The following PTPN2 variants were observed in gnomAD, a reference collection of about 807,000 sequenced individuals.
The protein encoded by PTPN2 is tyrosine-protein phosphatase non-receptor type 2.
Under a neutral mutation model 57.3 loss-of-function variants are expected in PTPN2, and 19 were observed. The ratio of observed to expected loss-of-function variants is 0.33; its 90% CI spans 0.23 to 0.49. The LOEUF is 0.49. Among genes scored for constraint, PTPN2 ranks in the 20% least tolerant of loss-of-function variants. The pLI is 0.99. For missense variants in PTPN2, 358 were observed against 501.1 expected (o/e 0.71, Z 2.73); for synonymous variants, 153 against 164.9 (o/e 0.93, Z 0.55).
chr18:12,799,820 G>A (rs538682825), intron 8 of PTPN2, among the ~76,000 whole-genome samples: 4 of 152,106 alleles, frequency 2.6e-5, no homozygotes, highest in Admixed American at 1.3e-4. Context: ...CAGCAGAGAC[G>A]GGGTTTCACC....
At chr18:12,838,686 G>A (rs1201450400) in intron 2 of PTPN2, among the ~76,000 whole-genome samples, 2 of 152,192 alleles carry the variant, frequency 1.3e-5, no homozygotes, top group East Asian at 3.9e-4. Context: ...AATTTTCTCA[G>A]GAAAATTTTT....
chr18:12,800,559 T>C (rs1168909933), intron 8 of PTPN2, among the ~76,000 whole-genome samples: 7 of 152,142 alleles, frequency 4.6e-5, no homozygotes, highest in Non-Finnish European at 5.9e-5. Flanking sequence ...CATAATAAAC[T>C]CTTCCACTAT....
intron 1 of PTPN2, chr18:12,883,764 C>G (rs80079774): frequency 1.1e-5 from 3 of 268,114 alleles, no homozygotes; most frequent in Admixed American, 1.1e-4. Context: ...ACCCGGGCCG[C>G]GCAACGCTGG....
intron 4 of PTPN2, among the ~76,000 whole-genome samples, chr18:12,830,474 C>T (rs2042633573): frequency 6.6e-6 from 1 of 152,030 alleles, no homozygotes; most frequent in Admixed American, 6.6e-5. Context: ...CAGGAAAAAC[C>T]CCTGTAAATG....
rs1568169016 is a variant in PTPN2, at chr18:12,870,365, G to GTGTATATATATGTA, written c.70-11112_70-11111insTACATATATATACA. Among the ~76,000 whole-genome samples, 18 of 38,522 alleles carry GTGTATATATATGTA rather than the reference G, an allele frequency of 4.7e-4. 5 individuals carry two copies. The highest frequency in any genetic ancestry group is 2.8e-3 in the African/African-American group (17 of 5,976). The allele number at this position is 38,522 out of a possible 152,430, so 25.3% of individuals were successfully genotyped here. A position where few individuals can be genotyped will look rare whatever the true frequency, so the allele number is the denominator to read the frequency against. On this transcript the variant is annotated intron_variant, in intron 1 of 8. Coordinates refer to ENST00000309660, the MANE Select transcript of PTPN2 (RefSeq NM_002828.4). ...TACATATATATGTGTATATATATGT[G>GTGTATATATATGTA]TATATATACATATATATACGTATAT...
chr18:12,807,324 G>C (rs1367253861), intron 7 of PTPN2, among the ~76,000 whole-genome samples: 1 of 151,548 alleles, frequency 6.6e-6, no homozygotes, highest in Admixed American at 6.6e-5. Context: ...TCTTGTACAC[G>C]GCTGGTGGAA....
chr18:12,866,998 G>A, intron 1 of PTPN2, among the ~76,000 whole-genome samples: 1 of 148,728 alleles, frequency 6.7e-6, no homozygotes, highest in South Asian at 2.1e-4. Context: ...GACAGAGCAA[G>A]ATTGTCTCCA....
chr18:12,873,998 G>A (rs2044373317), intron 1 of PTPN2, among the ~76,000 whole-genome samples: 1 of 151,868 alleles, frequency 6.6e-6, no homozygotes, highest in South Asian at 2.1e-4. Context: ...GAAGGGAGGA[G>A]ACCCTCCACC....
At position 12,793,633 on chromosome 18, in the gene PTPN2, T is replaced by G; in HGVS notation, c.*645A>C. Reference sequence around the variant, plus strand: ...GAAATTGCTTATTCCAACTTCTAACTGCTCATATCAAACTTCTCTTTAGAA... The same window carrying G: ...GAAATTGCTTATTCCAACTTCTAACGGCTCATATCAAACTTCTCTTTAGAA... On this transcript the variant is annotated 3_prime_UTR_variant, in exon 9 of 9. Transcript: ENST00000309660. 1.0e-6 allele frequency: 1 copy of G among 981,906 alleles called. No homozygotes were observed. The highest frequency in any genetic ancestry group is 5.3e-4 in the Middle Eastern group (1 of 1,904). The allele number at this position is 981,906 out of a possible 1,614,324, so 60.8% of individuals were successfully genotyped here.
chr18:12,833,957 GAC>G (rs2042759651), intron 3 of PTPN2, among the ~76,000 whole-genome samples: 1 of 152,192 alleles, frequency 6.6e-6, no homozygotes, highest in African/African-American at 2.4e-5. Context: ...GAAAAAGCCA[GAC>G]ACAGGCTTCT....
At chr18:12,831,776 CAG>C (rs1253487796) in intron 3 of PTPN2, among the ~76,000 whole-genome samples, 1 of 152,052 alleles carries the variant, frequency 6.6e-6, no homozygotes, top group African/African-American at 2.4e-5. Context: ...GAGTATTGGG[CAG>C]AGTTAAAAAG....
intron 2 of PTPN2, among the ~76,000 whole-genome samples, chr18:12,849,279 C>T (rs2043311497): frequency 6.6e-6 from 1 of 152,186 alleles, no homozygotes; most frequent in Non-Finnish European, 1.5e-5. Context: ...ATAATCTAGG[C>T]CGGGTGCAGA....
intron 5 of PTPN2, among the ~76,000 whole-genome samples, chr18:12,822,661 T>A (rs1399033318): frequency 2.0e-5 from 3 of 152,294 alleles, no homozygotes; most frequent in Admixed American, 1.3e-4. Context: ...GCAAACTGGA[T>A]CTCTGCACCC....
intron 2 of PTPN2, among the ~76,000 whole-genome samples, chr18:12,837,473 G>A (rs2042906250): frequency 6.6e-6 from 1 of 152,150 alleles, no homozygotes; most frequent in Non-Finnish European, 1.5e-5. Context: ...TCTGTTAACA[G>A]TTTAGAGATA....
intron 1 of PTPN2, among the ~76,000 whole-genome samples, chr18:12,877,701 A>G (rs866649739): frequency 6.6e-6 from 1 of 152,246 alleles, no homozygotes; most frequent in Non-Finnish European, 1.5e-5. Context: ...CAATATTTGA[A>G]CTACAAATTT....
intron 2 of PTPN2, among the ~76,000 whole-genome samples, chr18:12,844,185 A>T (rs889441929): frequency 5.9e-5 from 9 of 152,332 alleles, no homozygotes; most frequent in Admixed American, 1.3e-4. Context: ...TTACCCACTG[A>T]AGGACATGTG....
intron 4 of PTPN2, among the ~76,000 whole-genome samples, chr18:12,829,258 G>A (rs1267553182): frequency 3.3e-5 from 5 of 151,736 alleles, no homozygotes; most frequent in Non-Finnish European, 7.4e-5. Flanking sequence ...GCTCACGCCT[G>A]TAATCCCAGC....
intron 1 of PTPN2, among the ~76,000 whole-genome samples, chr18:12,882,658 T>C (rs764098091): frequency 6.6e-5 from 10 of 152,242 alleles, no homozygotes; most frequent in African/African-American, 1.7e-4. Flanking sequence ...TTGTCTATAA[T>C]TGGAAGAGTC....
At chr18:12,815,553 C>T (rs1346059119) in intron 6 of PTPN2, among the ~76,000 whole-genome samples, 1 of 152,100 alleles carries the variant, frequency 6.6e-6, no homozygotes, top group Non-Finnish European at 1.5e-5. Flanking sequence ...AGAATCCCCA[C>T]ACCCAGGCTC....
Sources: allele counts gnomAD v4.1 joint callset (sites outside exome capture counted in the v4.1 genomes callset), GRCh38; gene constraint gnomAD v4.1.1; transcripts MANE v1.5; gene names NCBI Gene and HGNC (gene_info 2026-07-23, HGNC 2026-07-21).